The following RBFOX1 variants were observed in gnomAD, a reference collection of about 807,000 sequenced individuals.
RBFOX1 encodes RNA binding protein fox-1 homolog 1.
In RBFOX1, 8 loss-of-function variants were observed where a neutral mutation model predicts 57.7. The observed-to-expected ratio is 0.14, with a 90% CI of 0.08 to 0.25. RBFOX1 has a LOEUF of 0.25. Among genes scored for constraint, RBFOX1 ranks in the 10% least tolerant of loss-of-function variants. The pLI is 1.00. For missense variants in RBFOX1, 611 were observed against 548.5 expected (o/e 1.11, Z -1.14); for synonymous variants, 326 against 222.4 (o/e 1.47, Z -4.15).
intron 4 of RBFOX1, among the ~76,000 whole-genome samples, chr16:7,259,341 T>G (rs2094825292): frequency 6.6e-6 from 1 of 152,122 alleles, no homozygotes; most frequent in Non-Finnish European, 1.5e-5. Flanking sequence ...CAAATTATCT[T>G]TAACCAAAAG....
At chr16:6,800,162 C>T (rs191589056) in intron 3 of RBFOX1, among the ~76,000 whole-genome samples, 32 of 150,804 alleles carry the variant, frequency 2.1e-4, no homozygotes, top group Admixed American at 2.6e-4. Context: ...TTCTTTGCGA[C>T]ATCCAGTTTT....
At chr16:7,136,882 T>G (rs1181577987) in intron 4 of RBFOX1, among the ~76,000 whole-genome samples, 3 of 152,222 alleles carry the variant, frequency 2.0e-5, no homozygotes, top group Admixed American at 6.5e-5. Context: ...CAAAATCTAC[T>G]GCATGCCTGG....
At chr16:6,187,734 G>A (rs959938846) in intron 1 of RBFOX1, among the ~76,000 whole-genome samples, 1 of 152,154 alleles carries the variant, frequency 6.6e-6, no homozygotes, top group Non-Finnish European at 1.5e-5. Flanking sequence ...TGGATTTGAT[G>A]GCAAAGTGGG....
intron 4 of RBFOX1, among the ~76,000 whole-genome samples, chr16:7,265,743 C>T (rs1306633423): frequency 6.6e-6 from 1 of 152,180 alleles, no homozygotes; most frequent in Non-Finnish European, 1.5e-5. Flanking sequence ...GCCACCATGC[C>T]TGGCCAGGTG....
intron 2 of RBFOX1, among the ~76,000 whole-genome samples, chr16:6,639,641 C>A (rs910512992): frequency 2.6e-5 from 4 of 152,148 alleles, no homozygotes; most frequent in Non-Finnish European, 5.9e-5. Flanking sequence ...CTTTGGGAGG[C>A]CGAGGCGGGC....
At chr16:5,676,476 C>G (rs1414390097) in intron 3 of RBFOX1, among the ~76,000 whole-genome samples, 8 of 152,326 alleles carry the variant, frequency 5.3e-5, no homozygotes, top group African/African-American at 1.9e-4. Context: ...TTGAGCAAGT[C>G]ACTCAACCTC....
At chr16:5,815,455 C>T (rs1187814766) in intron 3 of RBFOX1, among the ~76,000 whole-genome samples, 3 of 152,072 alleles carry the variant, frequency 2.0e-5, no homozygotes, top group Non-Finnish European at 4.4e-5. Flanking sequence ...GAAACCTCAG[C>T]CAGGGGTGCT....
intron 3 of RBFOX1, among the ~76,000 whole-genome samples, chr16:7,048,676 T>A (rs1004895571): frequency 6.6e-6 from 1 of 152,182 alleles, no homozygotes; most frequent in East Asian, 1.9e-4. Context: ...TGCTTTAAAG[T>A]TTTTATTTGA....
At chr16:5,746,741 G>T (rs944888220) in intron 3 of RBFOX1, among the ~76,000 whole-genome samples, 1 of 152,174 alleles carries the variant, frequency 6.6e-6, no homozygotes, top group Admixed American at 6.5e-5. Context: ...CTCTCTGTTT[G>T]TCTGCTACTG....
chr16:7,522,219 A>T (rs543903634), intron 5 of RBFOX1, among the ~76,000 whole-genome samples: 32 of 152,360 alleles, frequency 2.1e-4, no homozygotes, highest in Non-Finnish European at 4.1e-4. Flanking sequence ...TAAAGGTAGC[A>T]TGGTGAACCT....
chr16:7,362,760 A>G (rs1031582521), intron 4 of RBFOX1, among the ~76,000 whole-genome samples: 1 of 151,856 alleles, frequency 6.6e-6, no homozygotes, highest in South Asian at 2.1e-4. Context: ...ATGTTAGTGT[A>G]TGTTTCTGTG....
chr16:6,912,191 T>G (rs1019683484), intron 3 of RBFOX1, among the ~76,000 whole-genome samples: 2 of 152,220 alleles, frequency 1.3e-5, no homozygotes, highest in Non-Finnish European at 2.9e-5. Context: ...AAACTTAAAT[T>G]CCCACGTGGA....
chr16:7,442,512 TGAG>T (rs2149931230), intron 4 of RBFOX1, among the ~76,000 whole-genome samples: 1 of 152,130 alleles, frequency 6.6e-6, no homozygotes, highest in East Asian at 1.9e-4. Context: ...TGAATAAAAA[TGAG>T]GAGGCCGCAA....
chr16:6,650,989 G>C (rs970594789), intron 2 of RBFOX1, among the ~76,000 whole-genome samples: 1 of 152,106 alleles, frequency 6.6e-6, no homozygotes, highest in Admixed American at 6.6e-5. Context: ...TGCATCCTCC[G>C]CCTTCCCGGT....
At chr16:7,535,988 C>T (rs1347873391) in intron 5 of RBFOX1, among the ~76,000 whole-genome samples, 1 of 152,196 alleles carries the variant, frequency 6.6e-6, no homozygotes, top group Non-Finnish European at 1.5e-5. Context: ...ACAGACATAG[C>T]TTCTCCTTCA....
intron 4 of RBFOX1, among the ~76,000 whole-genome samples, chr16:5,918,123 T>C (rs1288125129): frequency 6.6e-6 from 1 of 152,152 alleles, no homozygotes; most frequent in Non-Finnish European, 1.5e-5. Context: ...CGTTTATTTT[T>C]ATTGTTATTA....
chr16:7,656,947 A>AC (rs1209135259), intron 12 of RBFOX1, among the ~76,000 whole-genome samples: 2 of 151,996 alleles, frequency 1.3e-5, no homozygotes, highest in East Asian at 1.9e-4. Context: ...TTATCCTGTG[A>AC]CCCCTCCTCC....
At chr16:6,096,068 C>G (rs141212410) in intron 1 of RBFOX1, among the ~76,000 whole-genome samples, 1 of 152,206 alleles carries the variant, frequency 6.6e-6, no homozygotes, top group Non-Finnish European at 1.5e-5. Flanking sequence ...TGTCACTTTG[C>G]CTTTGACTCC....
At chr16:5,635,196 G>C (rs925212244) in intron 3 of RBFOX1, among the ~76,000 whole-genome samples, 1 of 152,184 alleles carries the variant, frequency 6.6e-6, no homozygotes, top group Non-Finnish European at 1.5e-5. Flanking sequence ...AAGAAAATCT[G>C]TTTGTATTGA....
Sources: allele counts gnomAD v4.1 joint callset (sites outside exome capture counted in the v4.1 genomes callset), GRCh38; gene constraint gnomAD v4.1.1; transcripts MANE v1.5; gene names NCBI Gene and HGNC (gene_info 2026-07-23, HGNC 2026-07-21).